PCSK5: variants seen among roughly 807,000 people sequenced by gnomAD.
PCSK5 encodes the protein proprotein convertase subtilisin/kexin type 5.
Under a neutral mutation model 233.2 loss-of-function variants are expected in PCSK5, and 129 were observed. That is an observed-to-expected ratio of 0.55 (90% CI 0.48 to 0.64). The LOEUF (loss-of-function observed/expected upper bound fraction) is 0.64, where lower values mean the gene tolerates loss of function less well. Among genes scored for constraint, PCSK5 ranks in the 30% least tolerant of loss-of-function variants. PCSK5 has a pLI of 0.00. For missense variants in PCSK5, 2,076 were observed against 2,430.1 expected (o/e 0.85, Z 3.06); for synonymous variants, 825 against 879.2 (o/e 0.94, Z 1.09).
chr9:76,297,494 A>C (rs1828476280), intron 27 of PCSK5, among the ~76,000 whole-genome samples: 1 of 152,148 alleles, frequency 6.6e-6, no homozygotes, highest in Non-Finnish European at 1.5e-5. Context: ...ATCCAACAGC[A>C]AAGCCCTGCA....
intron 20 of PCSK5, among the ~76,000 whole-genome samples, chr9:76,209,265 G>A (rs534495068): frequency 2.6e-4 from 40 of 152,278 alleles, no homozygotes; most frequent in Non-Finnish European, 5.3e-4. Context: ...TGTGATTCCT[G>A]GATCCCATTA....
At chr9:76,080,300 T>G (rs1407765586) in intron 7 of PCSK5, among the ~76,000 whole-genome samples, 1 of 152,164 alleles carries the variant, frequency 6.6e-6, no homozygotes, top group Non-Finnish European at 1.5e-5. Context: ...CTTCGCTGGT[T>G]TTCCCTATAT....
chr9:76,181,323 T>C (rs1160848487), intron 15 of PCSK5, 75 bp from the exon 16 acceptor site: 2 of 1,287,770 alleles, frequency 1.6e-6, no homozygotes, highest in Non-Finnish European at 2.2e-6. Context: ...AGCCATTTGC[T>C]CAGCACCTCC....
chr9:76,012,539 G>A (rs1161663913), intron 3 of PCSK5, among the ~76,000 whole-genome samples: 4 of 152,084 alleles, frequency 2.6e-5, no homozygotes, highest in African/African-American at 7.2e-5. Context: ...TGTGCAATAT[G>A]GGAAAAACAA....
At chr9:76,078,661 C>T (rs909349844) in intron 7 of PCSK5, among the ~76,000 whole-genome samples, 1 of 152,084 alleles carries the variant, frequency 6.6e-6, no homozygotes, top group Non-Finnish European at 1.5e-5. Context: ...TCTGGATTCT[C>T]TATTATATTT....
intron 3 of PCSK5, among the ~76,000 whole-genome samples, chr9:76,000,147 G>A (rs899795015): frequency 1.3e-5 from 2 of 152,060 alleles, no homozygotes; most frequent in African/African-American, 2.4e-5. Context: ...AATTTTACAG[G>A]CTCCTCTCCA....
At position 76,125,910 on chromosome 9, in the gene PCSK5, T is replaced by A. The variant is rs565034340; in HGVS notation, c.1209-8199T>A. 3.3e-5 allele frequency among the ~76,000 whole-genome samples: 5 copies of A among 151,998 alleles called. No homozygotes were observed. In the East Asian group the frequency reaches 9.7e-4, roughly 30 times the overall value. On this transcript the variant is annotated intron_variant, in intron 9 of 37. Transcript: ENST00000674117. ...GGACAAAATGATGCAGGACTAGCAA[T>A]CTTTATAGCAGGAAAGCAAAGTTTT...
At chr9:75,989,918 C>T (rs1214602488) in intron 3 of PCSK5, among the ~76,000 whole-genome samples, 1 of 152,094 alleles carries the variant, frequency 6.6e-6, no homozygotes, top group Non-Finnish European at 1.5e-5. Flanking sequence ...CGGGAGCCAT[C>T]TTGGAGGCCG....
At chr9:76,179,195 C>T (rs1283595547) in intron 14 of PCSK5, among the ~76,000 whole-genome samples, 1 of 152,134 alleles carries the variant, frequency 6.6e-6, no homozygotes, top group East Asian at 1.9e-4. Flanking sequence ...AATAATAATG[C>T]TTTTTTCTTT....
chr9:76,347,297 G>T (rs1199985856), intron 35 of PCSK5, among the ~76,000 whole-genome samples: 4 of 152,164 alleles, frequency 2.6e-5, no homozygotes, highest in Middle Eastern at 3.4e-3. Context: ...ATGGTGAACT[G>T]CTCTGAGTTT....
At chr9:75,989,807 C>T (rs1227552776) in intron 3 of PCSK5, among the ~76,000 whole-genome samples, 10 of 152,140 alleles carry the variant, frequency 6.6e-5, no homozygotes, top group African/African-American at 2.4e-4. Context: ...TCAGAAGTCA[C>T]AGACCCTTAT....
chr9:75,946,941 C>G (rs1444231505), intron 2 of PCSK5, among the ~76,000 whole-genome samples: 1 of 152,138 alleles, frequency 6.6e-6, no homozygotes, highest in East Asian at 1.9e-4. Flanking sequence ...ACTGTTTTGC[C>G]TTAAAAGGCT....
chr9:76,112,323 G>A (rs766074941), intron 9 of PCSK5, among the ~76,000 whole-genome samples: 2 of 152,016 alleles, frequency 1.3e-5, no homozygotes, highest in African/African-American at 2.4e-5. Flanking sequence ...TGACCGCAAA[G>A]CCTTTTTCTT....
In PCSK5 at chr9:76,332,522, T is replaced by G; in HGVS notation, c.4660T>G (p.Cys1554Gly). 1 of 1,612,716 alleles carries G rather than the reference T, an allele frequency of 6.2e-7. No homozygotes were observed. Residue 1554 changes from cysteine (C) to glycine (G), a missense_variant, in exon 34 of 38, where the codon TGT becomes GGT. Cys to Gly is a radical substitution (Grantham distance 159). Coordinates refer to ENST00000674117, the MANE Select transcript of PCSK5 (RefSeq NM_001372043.1). ...CCACTGCCACAGCTCTTGCAGGACA[T>G]GTGAAGGGAGACACAGCAGGCAGTG... ...CAHCHSSCRT[C>G]EGRHSRQCHS...
chr9:76,227,406 T>C, intron 20 of PCSK5, 97 bp from the exon 21 acceptor site: 2 of 817,054 alleles, frequency 2.4e-6, no homozygotes, highest in Non-Finnish European at 4.1e-6. Context: ...TCTGCATTGC[T>C]TTCAGGCAGC....
chr9:75,927,644 T>C (rs1480777137), intron 1 of PCSK5, among the ~76,000 whole-genome samples: 2 of 152,276 alleles, frequency 1.3e-5, no homozygotes, highest in South Asian at 2.1e-4. Flanking sequence ...TGGTGAATGA[T>C]TTCTGAAAGG....
chr9:75,908,899 CTA>C (rs1822544402), intron 1 of PCSK5, among the ~76,000 whole-genome samples: 1 of 128,856 alleles, frequency 7.8e-6, no homozygotes, highest in Non-Finnish European at 1.6e-5. Context: ...ATCTATCTAT[CTA>C]TCTATCTATC....
At chr9:76,158,498 G>C (rs1262579688) in intron 11 of PCSK5, among the ~76,000 whole-genome samples, 2 of 152,178 alleles carry the variant, frequency 1.3e-5, no homozygotes, top group Non-Finnish European at 2.9e-5. Context: ...CTATAGACAA[G>C]AGGGAAGAAT....
chr9:76,049,305 A>G (rs982351910), intron 5 of PCSK5, among the ~76,000 whole-genome samples: 1 of 152,302 alleles, frequency 6.6e-6, no homozygotes, highest in East Asian at 1.9e-4. Flanking sequence ...AAAATGTTGA[A>G]TAGATCATTA....
Sources: gnomAD v4.1 joint callset for allele counts (sites outside exome capture counted in the v4.1 genomes callset) on GRCh38, gnomAD v4.1.1 for gene constraint, MANE v1.5 for transcripts, NCBI Gene and HGNC (gene_info 2026-07-23, HGNC 2026-07-21) for gene names.